The following SON variants were observed in gnomAD, a reference collection of about 807,000 sequenced individuals.
The protein encoded by SON is SON DNA and RNA binding protein, also known as protein SON.
SON carries 4 observed loss-of-function variants against 173.3 expected under a neutral mutation model. That is an observed-to-expected ratio of 0.02 (90% CI 0.01 to 0.05). SON has a LOEUF of 0.05. Among genes scored for constraint, SON ranks in the 10% least tolerant of loss-of-function variants. The pLI, the probability that SON is intolerant of heterozygous loss-of-function variation, is 1.00. For missense variants in SON, 2,626 were observed against 3,055.3 expected (o/e 0.86, Z 3.31); for synonymous variants, 1,190 against 1,105.9 (o/e 1.08, Z -1.51).
chr21:33,573,204 T>C (rs1307143568), intron 8 of SON, 104 bp from the exon 9 acceptor site: 3 of 904,864 alleles, frequency 3.3e-6, no homozygotes, highest in Non-Finnish European at 5.2e-6. Flanking sequence ...CTATAACAGA[T>C]CTAGAAGTAA....
chr21:33,552,976 C>G lies in SON; in HGVS notation c.3745C>G (p.Pro1249Ala), dbSNP rs1569055989. Residue 1249 changes from proline to alanine, a missense_variant, in exon 3 of 12, where the codon CCA (proline) becomes GCA (alanine). Pro to Ala is a conservative substitution (Grantham distance 27). This residue lies in a region of SON where 1,006 missense variants were observed against 895.6 expected (regional missense o/e 1.12). Transcript: ENST00000356577. The surrounding 1 kb of genome is among the most constrained non-coding windows in gnomAD (Gnocchi z 5.6). ...AGTATCAGAGGCTGCTGTGACTGTT[C>G]CAGAACCACCACCAGAGCCAGAATC... ...VLVSEAAVTVPEPPPEPESSI... is the reference protein window; with the variant it reads ...VLVSEAAVTVAEPPPEPESSI... 1.9e-6 allele frequency: 3 copies of G among 1,609,916 alleles called. No homozygotes were observed. The highest frequency in any genetic ancestry group is 2.2e-5 in the South Asian group (2 of 91,080).
chr21:33,550,831 A>G lies in SON; in HGVS notation c.1600A>G (p.Thr534Ala), dbSNP rs1011223491. 11 of 1,613,690 alleles carry G rather than the reference A, an allele frequency of 6.8e-6. No homozygotes were observed. The highest frequency in any genetic ancestry group is 9.3e-6 in the Non-Finnish European group (11 of 1,179,760). ...HPGHPEVTTATGLLGQPEATM... is the reference protein window; with the variant it reads ...HPGHPEVTTAAGLLGQPEATM... ...TGGGCATCCTGAGGTGACAACGGCAACAGGGTTGCTGGGGCAGCCTGAGGC... is the reference window on the plus strand; with the variant it reads ...TGGGCATCCTGAGGTGACAACGGCAGCAGGGTTGCTGGGGCAGCCTGAGGC... Residue 534 changes from threonine to alanine, a missense_variant, in exon 3 of 12, where the codon ACA becomes GCA. By Grantham distance (58) the Thr-to-Ala change is moderately conservative (BLOSUM62 0). This residue lies in a region of SON where 757 missense variants were observed against 730.1 expected (regional missense o/e 1.04). Transcript: ENST00000356577.
At chr21:33,573,730 C>T (rs2086338507) in intron 9 of SON, among the ~76,000 whole-genome samples, 1 of 152,276 alleles carries the variant, frequency 6.6e-6, no homozygotes, top group African/African-American at 2.4e-5. Context: ...TATTACACCT[C>T]CAAATTCAAC....
chr21:33,543,532 C>T (rs1249153270), intron 1 of SON: 1 of 124,146 alleles, frequency 8.1e-6, no homozygotes, highest in Non-Finnish European at 1.3e-5. Context: ...GCCGCGTATC[C>T]CCTCCCCCTC....
Position 33,552,536 on chromosome 21 carries a change from C to A in SON, c.3305C>A (p.Ser1102Tyr). The change falls in exon 3 of 12, where the codon TCT becomes TAT. Residue 1102 changes from serine to tyrosine, a missense_variant. By Grantham distance (144) the Ser-to-Tyr change is moderately radical. This residue lies in a region of SON where 366 missense variants were observed against 448.6 expected (regional missense o/e 0.82). Transcript: ENST00000356577. This position sits in a 1 kb window ranked among gnomAD's most constrained non-coding sequence, Gnocchi z 5.6. ...MMSSYSAADRSMMSSYSAADR... is the reference protein window; with the variant it reads ...MMSSYSAADRYMMSSYSAADR... ...TCGTCATACTCTGCTGCTGACCGGT[C>A]TATGATGTCATCGTACTCTGCAGCT... The A allele has an allele frequency of 6.2e-7, 1 of 1,614,078 alleles. No homozygotes were observed.
chr21:33,572,667 T>C, intron 8 of SON: 1 of 1,075,154 alleles, frequency 9.3e-7, no homozygotes. Context: ...AAAAGTCTTT[T>C]AACATCAAGC....
At chr21:33,547,095 C>G (rs906931259) in intron 2 of SON, 2 of 152,222 alleles carry the variant, frequency 1.3e-5, no homozygotes, top group African/African-American at 4.8e-5. Flanking sequence ...CTGCCTCAGC[C>G]TCCCAAGTAG....
At position 33,559,572 on chromosome 21, in the gene SON, C is replaced by T. The variant is rs1569061985; in HGVS notation, c.6469-15C>T. The T allele has an allele frequency of 1.3e-6, 2 of 1,597,160 alleles. No individual in the cohort carries two copies. The highest frequency in any genetic ancestry group is 1.7e-6 in the Non-Finnish European group (2 of 1,173,608). On this transcript the variant is annotated splice_polypyrimidine_tract_variant and intron_variant, in intron 5 of 11. Transcript: ENST00000356577. This position sits in a 1 kb window ranked among gnomAD's most constrained non-coding sequence, Gnocchi z 4.1. ...ATCATATTGAGCTTTAATTAAGAAA[C>T]ACTTTATTTTTTAGATTGCTGCAGC...
chr21:33,567,164 A>C lies in SON; in HGVS notation c.6665A>C (p.Asp2222Ala), dbSNP rs1254630048. ...FSSNLPSEPV[D>A]ISTAMSERAL... is the part of the protein sequence containing the mutation. ...CTCTGTTTTCTTTCTTAGCCTGTGG[A>C]CATCTCTACAGCAATGAGTGAACGG... Residue 2222 changes from aspartate to alanine, a missense_variant, in exon 7 of 12, where the codon GAC (aspartate) becomes GCC (alanine). By Grantham distance (126) the Asp-to-Ala change is moderately radical. Around this residue, in one of 13 missense-constraint regions of SON, gnomAD observed 75 missense variants for 201.6 expected, o/e 0.37. Coordinates refer to ENST00000356577, the MANE Select transcript of SON (RefSeq NM_138927.4). 1.3e-6 allele frequency: 2 copies of C among 1,582,472 alleles called. No homozygotes were observed. Among genetic ancestry groups the C allele is most frequent in the Non-Finnish European group, 1.7e-6 (2 of 1,154,206 alleles).
At chr21:33,566,979 C>A (rs1010060479) in intron 6 of SON, among the ~76,000 whole-genome samples, 178 bp from the exon 7 acceptor site, 1 of 152,042 alleles carries the variant, frequency 6.6e-6, no homozygotes, top group Non-Finnish European at 1.5e-5. Context: ...TTATCTTAAT[C>A]CTCTTCTGTT....
intron 8 of SON, chr21:33,572,175 A>AT (rs1366219781): frequency 2.5e-5 from 2 of 80,900 alleles, no homozygotes; most frequent in Non-Finnish European, 5.2e-5. Flanking sequence ...TTGCTATATT[A>AT]TATATTTATA....
intron 6 of SON, among the ~76,000 whole-genome samples, chr21:33,561,836 A>T (rs544111444): frequency 4.6e-5 from 7 of 152,190 alleles, no homozygotes; most frequent in South Asian, 2.1e-4. Context: ...TGTTAAAAAA[A>T]TTTTTTTTCT....
At position 33,573,316 on chromosome 21, in the gene SON, C is replaced by T. The variant is rs1486329145; in HGVS notation, c.6894C>T (p.Phe2298=). 6.2e-7 allele frequency: 1 copy of T among 1,610,522 alleles called. No individual in the cohort carries two copies. The highest frequency in any genetic ancestry group is 2.2e-5 in the East Asian group (1 of 44,866). The change falls in exon 9 of 12, where the codon TTC becomes TTT. Residue 2298 remains phenylalanine, a synonymous_variant. Coordinates refer to ENST00000356577, the MANE Select transcript of SON (RefSeq NM_138927.4). ...GAQAWIKKDQ[F]LRAAPVTGGM... ...TTTCTTTCTTTGGATAGGATCAGTT[C>T]TTAAGAGCAGCCCCGGTAACTGGAG...
intron 1 of SON, among the ~76,000 whole-genome samples, chr21:33,544,522 T>G (rs769670833): frequency 5.9e-5 from 9 of 151,844 alleles, no homozygotes; most frequent in Non-Finnish European, 1.3e-4. Context: ...CTCACGTTAT[T>G]GATATTCTCA....
At chr21:33,566,246 TAAAAG>T (rs1228938451) in intron 6 of SON, among the ~76,000 whole-genome samples, 1 of 152,064 alleles carries the variant, frequency 6.6e-6, no homozygotes, top group African/African-American at 2.4e-5. Flanking sequence ...ATAATAATGT[TAAAAG>T]AAGGACAAAA....
At chr21:33,560,369 C>A (rs2145852946) in intron 6 of SON, 1 of 1,238,218 alleles carries the variant, frequency 8.1e-7, no homozygotes, top group Non-Finnish European at 1.0e-6. Context: ...TAACCTAATG[C>A]TCAGCCTTGG....
chr21:33,574,443 C>T (rs2086354434), intron 9 of SON, among the ~76,000 whole-genome samples: 1 of 152,092 alleles, frequency 6.6e-6, no homozygotes. Flanking sequence ...TCTCAGAGAA[C>T]CACAGATTTC....
intron 6 of SON, among the ~76,000 whole-genome samples, chr21:33,566,580 G>A (rs914143636): frequency 3.9e-5 from 6 of 152,002 alleles, no homozygotes; most frequent in Admixed American, 1.3e-4. Flanking sequence ...TGAAAACATG[G>A]TTCATTTATT....
intron 7 of SON, chr21:33,567,519 T>C: frequency 4.4e-6 from 2 of 452,738 alleles, no homozygotes; most frequent in Non-Finnish European, 8.2e-6. Flanking sequence ...TTCCCTGTCC[T>C]CACAGAGTTT....
Sources: gnomAD v4.1 joint callset for allele counts (sites outside exome capture counted in the v4.1 genomes callset) on GRCh38, gnomAD v4.1.1 for gene constraint, gnomAD v4.1.1 regional missense constraint, Gnocchi (gnomAD v3.1) non-coding constraint, MANE v1.5 for transcripts, NCBI Gene and HGNC (gene_info 2026-07-23, HGNC 2026-07-21) for gene names.